NBAS: variants seen among roughly 807,000 people sequenced by gnomAD.
NBAS encodes the protein NAG/BC035112 fusion.
A neutral mutation model predicts 302.5 loss-of-function variants in NBAS; 219 were observed. The observed-to-expected ratio is 0.72, with a 90% CI of 0.65 to 0.81. NBAS has a LOEUF of 0.81. Ranked by LOEUF, NBAS falls within the 30% of genes least tolerant of loss-of-function variation. NBAS has a pLI of 0.00. For synonymous variants in NBAS, 1,118 were observed against 1,021.6 expected (o/e 1.09, Z -1.80); for missense variants, 2,932 against 2,841.6 (o/e 1.03, Z -0.72).
At chr2:15,043,200 C>T in the NBAS span, among the ~76,000 whole-genome samples, 1 of 152,122 alleles carries the variant, frequency 6.6e-6, no homozygotes, top group Non-Finnish European at 1.5e-5. Context: ...ACTCATCTGA[C>T]AGATGAGGAA....
the NBAS span, among the ~76,000 whole-genome samples, chr2:14,951,097 T>C: frequency 4.9e-3 from 745 of 152,308 alleles, 7 homozygotes; most frequent in African/African-American, 0.017. Context: ...TTGATTTCAA[T>C]TCTATTTCAG....
chr2:15,496,054 CTG>C (rs1213147651), intron 11 of NBAS, among the ~76,000 whole-genome samples: 4 of 150,322 alleles, frequency 2.7e-5, no homozygotes, highest in East Asian at 3.9e-4. Context: ...AAATAAAACA[CTG>C]TGTGTGTGTA....
Position 15,374,675 on chromosome 2 carries a change from C to T in NBAS, c.3636G>A (p.Glu1212=). ...LITDRPPAIQ[E]ELDLIQAVGC... ...CAACGGCTTGGATAAGATCTAGCTC[C>T]TCTTGAATGGCAGGGGGTCTGTCTG... Residue 1212 remains glutamate (E), a synonymous_variant, in exon 31 of 52, where the codon GAG becomes GAA. Coordinates refer to ENST00000281513, the MANE Select transcript of NBAS (RefSeq NM_015909.4). The T allele has an allele frequency of 6.2e-7, 1 of 1,613,946 alleles. No individual in the cohort carries two copies. The highest frequency in any genetic ancestry group is 8.5e-7 in the Non-Finnish European group (1 of 1,179,872).
At chr2:14,901,123 G>A in the NBAS span, among the ~76,000 whole-genome samples, 4 of 152,096 alleles carry the variant, frequency 2.6e-5, no homozygotes, top group African/African-American at 9.7e-5. Context: ...GTAACCCTAG[G>A]GTCAACAGCA....
chr2:15,131,849 C>G, the NBAS span, among the ~76,000 whole-genome samples: 1 of 152,174 alleles, frequency 6.6e-6, no homozygotes, highest in Non-Finnish European at 1.5e-5. Flanking sequence ...GAAGCAGAAG[C>G]AGGCACATCA....
intron 41 of NBAS, 49 bp downstream of exon 41, chr2:15,292,488 C>A (rs1346279049): frequency 1.3e-6 from 2 of 1,576,534 alleles, no homozygotes; most frequent in African/African-American, 1.3e-5. Flanking sequence ...TGAACTTATT[C>A]TTTTGCAGTT....
chr2:15,079,901 T>C, the NBAS span, among the ~76,000 whole-genome samples: 2 of 152,242 alleles, frequency 1.3e-5, no homozygotes, highest in Non-Finnish European at 2.9e-5. Context: ...AATAAAATGA[T>C]GTTTACAGTA....
Position 15,374,704 on chromosome 2 carries a change from T to C in NBAS, c.3607A>G (p.Ile1203Val). Residue 1203 changes from isoleucine (I) to valine (V), a missense_variant, in exon 31 of 52, where the codon ATA (isoleucine) becomes GTA (valine). Transcript: ENST00000281513. ...TGAATGGCAGGGGGTCTGTCTGTTA[T>C]CAGTTGTAAGCAGCACCTAGAAGAA... ...MDLARCCLQL[I>V]TDRPPAIQEE... 1 of 1,613,846 alleles carries C rather than the reference T, an allele frequency of 6.2e-7. No individual in the cohort carries two copies.
At chr2:15,157,458 C>T in the NBAS span, among the ~76,000 whole-genome samples, 1 of 152,224 alleles carries the variant, frequency 6.6e-6, no homozygotes, top group East Asian at 1.9e-4. Flanking sequence ...ACTTCCACAG[C>T]TCCCAGTGTG....
chr2:15,119,409 A>T, the NBAS span, among the ~76,000 whole-genome samples: 2 of 143,862 alleles, frequency 1.4e-5, no homozygotes, highest in Non-Finnish European at 1.5e-5. Context: ...CCCGAGTTCC[A>T]GCGATTCTCC....
At chr2:14,873,308 G>T in the NBAS span, among the ~76,000 whole-genome samples, 438 of 152,242 alleles carry the variant, frequency 2.9e-3, 1 homozygote, top group Non-Finnish European at 4.3e-3. Context: ...GTCCCCACCC[G>T]ATCCAGAAGC....
chr2:15,501,426 T>C (rs928667078), intron 11 of NBAS, among the ~76,000 whole-genome samples: 7 of 152,108 alleles, frequency 4.6e-5, no homozygotes, highest in African/African-American at 1.7e-4. Flanking sequence ...ATAAAGAAAT[T>C]AACAGAGATA....
Position 15,327,769 on chromosome 2 carries a change from T to C in NBAS, c.4563A>G (p.Glu1521=). ...TCTTACCTTCAGTTGTTGGAAATAC[T>C]TCTCCTTTATTTTTAGCCTCTGCCA... ...GKLAEAKNKG[E]VFPTTEVLLQ... Residue 1521 remains glutamate (E), a synonymous_variant, in exon 38 of 52, where the codon GAA becomes GAG. Transcript: ENST00000281513. 6.2e-7 allele frequency: 1 copy of C among 1,613,728 alleles called. No homozygotes were observed. The highest frequency in any genetic ancestry group is 1.3e-5 in the African/African-American group (1 of 75,014).
chr2:15,185,826 G>A (rs1304676117), intron 50 of NBAS, among the ~76,000 whole-genome samples: 1 of 152,052 alleles, frequency 6.6e-6, no homozygotes, highest in African/African-American at 2.4e-5. Flanking sequence ...CATTAAATGT[G>A]CATTCATGAG....
chr2:15,369,751 T>G lies in NBAS; in HGVS notation c.3704-3058A>C, dbSNP rs112739446. 5.7e-3 allele frequency among the ~76,000 whole-genome samples: 861 copies of G among 152,338 alleles called. 11 individuals carry two copies. The highest frequency in any genetic ancestry group is 0.02 in the African/African-American group (824 of 41,580). ...TTTTAATAATTAAAGATAATCTAAT[T>G]TTCCTGCAGAAATCATGAATATATC... is the stretch of plus-strand genomic sequence containing the variant. On this transcript the variant is annotated intron_variant, in intron 31 of 51. Transcript: ENST00000281513.
chr2:15,381,771 C>T (rs943010095), intron 29 of NBAS, among the ~76,000 whole-genome samples: 3 of 152,116 alleles, frequency 2.0e-5, no homozygotes, highest in Non-Finnish European at 4.4e-5. Context: ...TCAGAGACTG[C>T]AATCATCAAT....
the NBAS span, among the ~76,000 whole-genome samples, chr2:14,846,675 G>A: frequency 5.9e-5 from 9 of 152,106 alleles, no homozygotes; most frequent in Admixed American, 5.2e-4. Context: ...GTTGAAAAGT[G>A]GGGGTAAAGT....
At chr2:14,978,181 T>A in the NBAS span, among the ~76,000 whole-genome samples, 1 of 152,186 alleles carries the variant, frequency 6.6e-6, no homozygotes, top group Non-Finnish European at 1.5e-5. Flanking sequence ...CTAGTGATCA[T>A]CTCCTCTGTG....
intron 12 of NBAS, among the ~76,000 whole-genome samples, chr2:15,480,635 A>C (rs1160698984): frequency 1.3e-5 from 2 of 152,164 alleles, no homozygotes; most frequent in South Asian, 2.1e-4. Context: ...GTGGAAAATG[A>C]ATAAAGGAAA....
Sources: allele counts gnomAD v4.1 joint callset (sites outside exome capture counted in the v4.1 genomes callset), GRCh38; gene constraint gnomAD v4.1.1; transcripts MANE v1.5; gene names NCBI Gene and HGNC (gene_info 2026-07-23, HGNC 2026-07-21).